The following MECOM variants were observed in gnomAD, a reference collection of about 807,000 sequenced individuals.
MECOM encodes the protein histone-lysine N-methyltransferase MECOM.
A neutral mutation model predicts 116.3 loss-of-function variants in MECOM; 13 were observed. The observed-to-expected ratio is 0.11, with a 90% CI of 0.07 to 0.18. The LOEUF (loss-of-function observed/expected upper bound fraction) is 0.18, where lower values mean the gene tolerates loss of function less well. Among genes scored for constraint, MECOM ranks in the 10% least tolerant of loss-of-function variants. The probability of loss-of-function intolerance (pLI) is 1.00; values close to 1 mark genes in which losing one functional copy is unlikely to be tolerated. For missense variants in MECOM, 1,299 were observed against 1,509.0 expected, an observed-to-expected ratio of 0.86 and a Z score of 2.31; for synonymous variants, 528 against 535.2, an observed-to-expected ratio of 0.99 and a Z score of 0.19.
intron 1 of MECOM, among the ~76,000 whole-genome samples, chr3:169,602,628 C>T (rs7632201): frequency 0.11 from 16,943 of 152,148 alleles, 1,197 homozygotes; most frequent in African/African-American, 0.19. Flanking sequence ...CCAGACATTG[C>T]CAACTTTACC....
intron 1 of MECOM, among the ~76,000 whole-genome samples, chr3:169,558,411 C>T (rs1042294051): frequency 2.6e-5 from 4 of 152,204 alleles, no homozygotes; most frequent in Non-Finnish European, 2.9e-5. Context: ...GGAACCCTCA[C>T]CAGTAGACGC....
chr3:169,377,103 G>A (rs1175596723), intron 2 of MECOM, among the ~76,000 whole-genome samples: 2 of 152,178 alleles, frequency 1.3e-5, no homozygotes, highest in Admixed American at 6.6e-5. Context: ...AATAAACGGT[G>A]TTGGGAAAAC....
intron 2 of MECOM, among the ~76,000 whole-genome samples, chr3:169,244,916 G>A (rs1179518202): frequency 6.6e-6 from 1 of 152,152 alleles, no homozygotes; most frequent in Non-Finnish European, 1.5e-5. Flanking sequence ...AAAGCTTATT[G>A]ACACAAACAG....
intron 2 of MECOM, among the ~76,000 whole-genome samples, chr3:169,348,900 G>A (rs7648299): frequency 0.019 from 2,893 of 151,842 alleles, 47 homozygotes; most frequent in African/African-American, 0.048. Context: ...GTCATATTTG[G>A]GTACTTTTAT....
chr3:169,284,671 T>A (rs914176086), intron 2 of MECOM, among the ~76,000 whole-genome samples: 2 of 152,104 alleles, frequency 1.3e-5, no homozygotes, highest in Admixed American at 6.5e-5. Context: ...AAAAGTTGTA[T>A]ATGATAGGTC....
At position 169,663,479 on chromosome 3, in the gene MECOM, T is replaced by A; in HGVS notation, c.-107A>T. On this transcript the variant is annotated 5_prime_UTR_variant, in exon 1 of 17. Coordinates refer to ENST00000651503, the MANE Select transcript of MECOM (RefSeq NM_004991.4). ...GCTCCCTCCCTCTCTCTCCTGTCTC[T>A]CTCTCTCTCTCTCTCTCTCTCTCTC... The A allele has an allele frequency of 2.6e-5, 1 of 38,758 alleles. No individual in the cohort carries two copies. Among genetic ancestry groups the A allele is most frequent in the Non-Finnish European group, 4.9e-5 (1 of 20,478 alleles). The allele number at this position is 38,758 out of a possible 1,614,324, so 2.4% of individuals were successfully genotyped here. A position where few individuals can be genotyped will look rare whatever the true frequency, so the allele number is the denominator to read the frequency against.
At chr3:169,311,106 A>G (rs1163832160) in intron 2 of MECOM, among the ~76,000 whole-genome samples, 2 of 152,246 alleles carry the variant, frequency 1.3e-5, no homozygotes, top group African/African-American at 4.8e-5. Flanking sequence ...TGACTCTTAA[A>G]AAAGGTCACA....
intron 1 of MECOM, among the ~76,000 whole-genome samples, chr3:169,534,189 T>C (rs1193837216): frequency 6.6e-6 from 1 of 152,116 alleles, no homozygotes; most frequent in Non-Finnish European, 1.5e-5. Context: ...TGTTAATCTG[T>C]ATACTTTTCC....
chr3:169,200,850 T>G (rs192430041), intron 2 of MECOM, among the ~76,000 whole-genome samples: 11 of 152,236 alleles, frequency 7.2e-5, no homozygotes, highest in Admixed American at 3.3e-4. Flanking sequence ...TACTCTGATG[T>G]GCCAGGCTTG....
chr3:169,447,219 T>C (rs1578127145), intron 1 of MECOM, among the ~76,000 whole-genome samples: 1 of 152,294 alleles, frequency 6.6e-6, no homozygotes, highest in East Asian at 1.9e-4. Context: ...TTAAGTCTTA[T>C]TGGTGCCCTC....
intron 2 of MECOM, among the ~76,000 whole-genome samples, chr3:169,172,210 T>C (rs1178969423): frequency 6.6e-5 from 10 of 152,190 alleles, no homozygotes; most frequent in Admixed American, 2.6e-4. Flanking sequence ...GGTAGATGTT[T>C]GTATCAAGTA....
At chr3:169,368,466 G>A (rs1304082669) in intron 2 of MECOM, among the ~76,000 whole-genome samples, 1 of 151,966 alleles carries the variant, frequency 6.6e-6, no homozygotes, top group Non-Finnish European at 1.5e-5. Context: ...AGAGTGTACA[G>A]TTCCCCTCCT....
At chr3:169,608,803 G>T (rs1404635416) in intron 1 of MECOM, among the ~76,000 whole-genome samples, 1 of 152,168 alleles carries the variant, frequency 6.6e-6, no homozygotes, top group Non-Finnish European at 1.5e-5. Context: ...AACATGTTCT[G>T]CTCTGACTAA....
chr3:169,085,099 G>T, intron 16 of MECOM, 56 bp from the exon 17 acceptor site: 1 of 1,603,562 alleles, frequency 6.2e-7, no homozygotes, highest in Non-Finnish European at 8.5e-7. Context: ...ATCACTTTTA[G>T]TTCAAAGAAT....
At chr3:169,539,122 A>C (rs1759750532) in intron 1 of MECOM, among the ~76,000 whole-genome samples, 1 of 152,192 alleles carries the variant, frequency 6.6e-6, no homozygotes, top group Non-Finnish European at 1.5e-5. Flanking sequence ...AAAATATAGA[A>C]TAGCTCGTTG....
chr3:169,650,437 G>C (rs79074096), intron 1 of MECOM, among the ~76,000 whole-genome samples: 2,858 of 152,182 alleles, frequency 0.019, 43 homozygotes, highest in Non-Finnish European at 0.029. Context: ...CTGAAACTCT[G>C]ACAACTTACT....
At chr3:169,406,594 T>G (rs1434960327) in intron 1 of MECOM, among the ~76,000 whole-genome samples, 1 of 152,140 alleles carries the variant, frequency 6.6e-6, no homozygotes, top group Non-Finnish European at 1.5e-5. Flanking sequence ...GCAATAAAGT[T>G]TTGAATTGTA....
Position 169,141,701 on chromosome 3 carries a change from A to G in MECOM, c.510+1997T>C, listed in dbSNP as rs750978023. 2.6e-5 allele frequency among the ~76,000 whole-genome samples: 4 copies of G among 151,910 alleles called. No individual in the cohort carries two copies. The East Asian group carries it at 5.8e-4, about 22-fold the overall frequency. On this transcript the variant is annotated intron_variant, in intron 3 of 16. Transcript: ENST00000651503. ...GTGTCTCTTCCCTTTTGTCTTGTCA[A>G]TTGGGCTAAGAGTGATTGTATACAT...
At chr3:169,358,000 T>C (rs1727563115) in intron 2 of MECOM, among the ~76,000 whole-genome samples, 1 of 151,808 alleles carries the variant, frequency 6.6e-6, no homozygotes, top group Non-Finnish European at 1.5e-5. Context: ...CCATGTGTTA[T>C]TTTATGCACT....
Sources: allele counts gnomAD v4.1 joint callset (sites outside exome capture counted in the v4.1 genomes callset), GRCh38; gene constraint gnomAD v4.1.1; transcripts MANE v1.5; gene names NCBI Gene and HGNC (gene_info 2026-07-23, HGNC 2026-07-21).